The following IL15RA variants were observed in gnomAD, a reference collection of about 807,000 sequenced individuals.
The protein encoded by IL15RA is interleukin-15 receptor subunit alpha.
A neutral mutation model predicts 24.2 loss-of-function variants in IL15RA; 26 were observed. The observed-to-expected ratio is 1.07, with a 90% CI of 0.79 to 1.49. The LOEUF (loss-of-function observed/expected upper bound fraction) is 1.49, where lower values mean the gene tolerates loss of function less well. Among genes scored for constraint, IL15RA ranks in the 40% most tolerant of loss-of-function variants. The pLI is 0.00. For synonymous variants in IL15RA, 166 were observed against 157.6 expected, an observed-to-expected ratio of 1.05 and a Z score of -0.40; for missense variants, 354 against 356.4, an observed-to-expected ratio of 0.99 and a Z score of 0.05.
rs1042726457 is a variant in IL15RA, at chr10:5,966,922, C to T, written c.89-583G>A. On this transcript the variant is annotated intron_variant, in intron 1 of 6. Transcript: ENST00000379977. The surrounding 1 kb of genome is among the most constrained non-coding windows in gnomAD (Gnocchi z 6.4). ...GGGAGGCAGAGGTTGCAGTGAGCCA[C>T]GATCACACCACTGCACTCTAGCCTG... Among the ~76,000 whole-genome samples, 6 of 152,058 alleles carry T rather than the reference C, an allele frequency of 3.9e-5. No homozygotes were observed. Among genetic ancestry groups the T allele is most frequent in the South Asian group, 2.1e-4 (1 of 4,804 alleles).
At position 5,971,667 on chromosome 10, in the gene IL15RA, T is replaced by A. The variant is rs41294193; in HGVS notation, c.89-5328A>T. Among the ~76,000 whole-genome samples the A allele has an allele frequency of 0.011, 1,689 of 152,340 alleles. 30 individuals are homozygous for A. The highest frequency in any genetic ancestry group is 0.035 in the Admixed American group (539 of 15,304). ...CTCAGGATGCTCACTGTGGAGCTGG[T>A]GTACGGAAAAGGCAAAGGCCTCTGG... is the stretch of plus-strand genomic sequence containing the variant. On this transcript the variant is annotated intron_variant, in intron 1 of 6. Coordinates refer to ENST00000379977, the MANE Select transcript of IL15RA (RefSeq NM_002189.4). This position sits in a 1 kb window ranked among gnomAD's most constrained non-coding sequence, Gnocchi z 5.5.
Position 5,977,543 on chromosome 10 carries a change from G to C in IL15RA, c.-51C>G. The C allele has an allele frequency of 1.6e-6, 2 of 1,279,012 alleles. No homozygotes were observed. Among genetic ancestry groups the C allele is most frequent in the South Asian group, 5.1e-5 (2 of 39,540 alleles). 79.2% of individuals were successfully genotyped at this position (1,279,012 alleles called of 1,614,324 possible). ...GGACTCCCCGGGCGAGCGCTGCCCA[G>C]GCCGGGGGGAGGTGGCGAGCGCTGC... is the stretch of plus-strand genomic sequence containing the variant. On this transcript the variant is annotated 5_prime_UTR_variant, in exon 1 of 7. Coordinates refer to ENST00000379977, the MANE Select transcript of IL15RA (RefSeq NM_002189.4).
chr10:5,960,650 G>T lies in IL15RA; in HGVS notation c.383-83C>A. 1 of 1,175,016 alleles carries T rather than the reference G, an allele frequency of 8.5e-7. No homozygotes were observed. Among genetic ancestry groups the T allele is most frequent in the Non-Finnish European group, 1.2e-6 (1 of 803,102 alleles). 72.8% of individuals were successfully genotyped at this position (1,175,016 alleles called of 1,614,324 possible). On this transcript the variant is annotated intron_variant, in intron 3 of 6. Coordinates refer to ENST00000379977, the MANE Select transcript of IL15RA (RefSeq NM_002189.4). The surrounding 1 kb of genome is among the most constrained non-coding windows in gnomAD (Gnocchi z 5.1). ...TGCAGCACGGGGTGATGTGGGAGCTGCCATAGTGAGTCACCCTGACCAGCC... is the reference window on the plus strand; with the variant it reads ...TGCAGCACGGGGTGATGTGGGAGCTTCCATAGTGAGTCACCCTGACCAGCC...
intron 1 of IL15RA, among the ~76,000 whole-genome samples, chr10:5,969,870 C>T (rs909952626): frequency 5.9e-5 from 9 of 152,200 alleles, no homozygotes; most frequent in African/African-American, 1.2e-4. Context: ...TAATTTTCAG[C>T]GTGCCAGCCT....
chr10:5,956,405 A>T lies in IL15RA; in HGVS notation c.666T>A (p.Ser222=). The stretch of plus-strand genomic sequence containing the variant: ...TTGACTTGAGGTAGCATGCCAGGAG[A>T]GACACAGCGCTCAGCCCACACAGCA... ...TVLLCGLSAV[S]LLACYLKSRQ... The change falls in exon 6 of 7, where the codon TCT becomes TCA. Residue 222 remains serine (S), a synonymous_variant. Coordinates refer to ENST00000379977, the MANE Select transcript of IL15RA (RefSeq NM_002189.4). The T allele has an allele frequency of 6.2e-7, 1 of 1,614,020 alleles. No individual in the cohort carries two copies. The highest frequency in any genetic ancestry group is 8.5e-7 in the Non-Finnish European group (1 of 1,179,920).
downstream of IL15RA, among the ~76,000 whole-genome samples, chr10:5,949,912 A>G (rs1169425911): frequency 6.6e-6 from 1 of 152,074 alleles, no homozygotes; most frequent in Non-Finnish European, 1.5e-5. The surrounding 1 kb of genome is among the most constrained non-coding windows in gnomAD (Gnocchi z 4.4). Flanking sequence ...CCTGGCCAAC[A>G]TGGTGAAACA....
chr10:5,958,037 C>T lies in IL15RA; in HGVS notation c.617-1583G>A, dbSNP rs955983397. ...ATTTTATCCTACAGATGTTCTTGCA[C>T]CTATGGATTTTCAATTAATGGCTGT... On this transcript the variant is annotated intron_variant, in intron 5 of 6. Coordinates refer to ENST00000379977, the MANE Select transcript of IL15RA (RefSeq NM_002189.4). This position sits in a 1 kb window ranked among gnomAD's most constrained non-coding sequence, Gnocchi z 4.3. 5.9e-5 allele frequency among the ~76,000 whole-genome samples: 9 copies of T among 152,282 alleles called. No homozygotes were observed. The highest frequency in any genetic ancestry group is 2.2e-4 in the African/African-American group (9 of 41,548).
rs967969696 is a variant in IL15RA at position 5,973,932 on chromosome 10, C to T, written c.88+3473G>A. On this transcript the variant is annotated intron_variant, in intron 1 of 6. Coordinates refer to ENST00000379977, the MANE Select transcript of IL15RA (RefSeq NM_002189.4). The surrounding 1 kb of genome is among the most constrained non-coding windows in gnomAD (Gnocchi z 4.5). Reference sequence around the variant, plus strand: ...CAAATCATATACCTGATTAGGGCCTCGTATCCAGAATATATAAAGAACTCT... The same window carrying T: ...CAAATCATATACCTGATTAGGGCCTTGTATCCAGAATATATAAAGAACTCT... 2.0e-5 allele frequency among the ~76,000 whole-genome samples: 3 copies of T among 151,898 alleles called. No homozygotes were observed. The highest frequency in any genetic ancestry group is 4.8e-5 in the African/African-American group (2 of 41,352).
rs1835750776 is a variant in IL15RA, at chr10:5,962,469, G to C, written c.382+1274C>G. On this transcript the variant is annotated intron_variant, in intron 3 of 6. Coordinates refer to ENST00000379977, the MANE Select transcript of IL15RA (RefSeq NM_002189.4). This position sits in a 1 kb window ranked among gnomAD's most constrained non-coding sequence, Gnocchi z 5.2. The stretch of plus-strand genomic sequence containing the variant: ...TAGCCAGGCGTGGTGGTGCACGCCT[G>C]TGATCCCAGCTACTTGGGAGGCTGA... 6.6e-6 allele frequency among the ~76,000 whole-genome samples: 1 copy of C among 152,052 alleles called. No homozygotes were observed. Among genetic ancestry groups the C allele is most frequent in the Non-Finnish European group, 1.5e-5 (1 of 68,006 alleles).
At position 5,960,371 on chromosome 10, in the gene IL15RA, C is replaced by A. The variant is rs150566735; in HGVS notation, c.579G>T (p.Pro193=). ...WELTASASHQ[P]PGVYPQGHSD... ...TGGGGCAAAGCGAGTGCTAACCTGGCGGCTGGTGGGAGGCGGATGCTGTGA... is the reference window on the plus strand; with the variant it reads ...TGGGGCAAAGCGAGTGCTAACCTGGAGGCTGGTGGGAGGCGGATGCTGTGA... The change falls in exon 4 of 7, where the codon CCG becomes CCT. Residue 193 remains proline, a synonymous_variant. Coordinates refer to ENST00000379977, the MANE Select transcript of IL15RA (RefSeq NM_002189.4). The surrounding 1 kb of genome is among the most constrained non-coding windows in gnomAD (Gnocchi z 5.1). 1.9e-6 allele frequency: 3 copies of A among 1,613,910 alleles called. No individual in the cohort carries two copies. Among genetic ancestry groups the A allele is most frequent in the African/African-American group, 1.3e-5 (1 of 75,006 alleles).
At position 5,953,121 on chromosome 10, in the gene IL15RA, A is replaced by C. The variant is rs1172896461; in HGVS notation, c.778T>G (p.Leu260Val). The change falls in exon 7 of 7, where the codon TTG becomes GTG. Residue 260 changes from leucine (L) to valine (V), a missense_variant. By Grantham distance (32) the Leu-to-Val change is conservative. Transcript: ENST00000379977. This position sits in a 1 kb window ranked among gnomAD's most constrained non-coding sequence, Gnocchi z 5.3. ...TWGTSSRDEDLENCSHHL is the reference protein window; with the variant it reads ...TWGTSSRDEDVENCSHHL ...CATAGGTGGTGAGAGCAGTTTTCCAAGTCTTCATCTCTGCTGCTGGTCCCC... is the reference window on the plus strand; with the variant it reads ...CATAGGTGGTGAGAGCAGTTTTCCACGTCTTCATCTCTGCTGCTGGTCCCC... 1 of 1,614,046 alleles carries C rather than the reference A, an allele frequency of 6.2e-7. No individual in the cohort carries two copies. Among genetic ancestry groups the C allele is most frequent in the Non-Finnish European group, 8.5e-7 (1 of 1,179,878 alleles).
At position 5,959,850 on chromosome 10, in the gene IL15RA, G is replaced by C; in HGVS notation, c.584-64C>G. On this transcript the variant is annotated intron_variant, in intron 4 of 6. Coordinates refer to ENST00000379977, the MANE Select transcript of IL15RA (RefSeq NM_002189.4). The surrounding 1 kb of genome is among the most constrained non-coding windows in gnomAD (Gnocchi z 4.1). The stretch of plus-strand genomic sequence containing the variant: ...AGAGGTCCTAGTTCCTCATGAAGCA[G>C]GAGAAAATCTGCATGGCTTGGCTCC... 1 of 1,525,360 alleles carries C rather than the reference G, an allele frequency of 6.6e-7. No homozygotes were observed. Among genetic ancestry groups the C allele is most frequent in the Non-Finnish European group, 9.1e-7 (1 of 1,102,110 alleles). 94.5% of individuals were successfully genotyped at this position (1,525,360 alleles called of 1,614,324 possible). A position where few individuals can be genotyped will look rare whatever the true frequency, so the allele number is the denominator to read the frequency against.
rs764051023 is a variant in IL15RA, at chr10:5,967,114, TC to T, written c.89-776del. Among the ~76,000 whole-genome samples the T allele has an allele frequency of 1.3e-5, 2 of 152,160 alleles. No individual in the cohort carries two copies. Among genetic ancestry groups the T allele is most frequent in the Non-Finnish European group, 2.9e-5 (2 of 68,034 alleles). ...TCCCACCTCCATCTCAAAAATCCAC[TC>T]CCTTGTGTGTGCACATGTGTGTGTT... On this transcript the variant is annotated intron_variant, in intron 1 of 6. Coordinates refer to ENST00000379977, the MANE Select transcript of IL15RA (RefSeq NM_002189.4). This position sits in a 1 kb window ranked among gnomAD's most constrained non-coding sequence, Gnocchi z 4.4.
At chr10:5,969,263 A>T (rs1257582786) in intron 1 of IL15RA, among the ~76,000 whole-genome samples, 2 of 147,740 alleles carry the variant, frequency 1.4e-5, no homozygotes, top group Non-Finnish European at 3.0e-5. Context: ...TTAAATTTTT[A>T]AATTTAATTA....
rs940668426 is a variant in IL15RA at position 5,961,923 on chromosome 10, G to A, written c.383-1356C>T. 2.6e-5 allele frequency among the ~76,000 whole-genome samples: 4 copies of A among 152,136 alleles called. No individual in the cohort carries two copies. Among genetic ancestry groups the A allele is most frequent in the Non-Finnish European group, 5.9e-5 (4 of 68,028 alleles). ...CCACCTTTCATATAACTTGCCCTAC[G>A]CTCACTGCCAATGCTCCAGGGCTCC... On this transcript the variant is annotated intron_variant, in intron 3 of 6. Coordinates refer to ENST00000379977, the MANE Select transcript of IL15RA (RefSeq NM_002189.4). This position sits in a 1 kb window ranked among gnomAD's most constrained non-coding sequence, Gnocchi z 5.2.
At position 5,963,806 on chromosome 10, in the gene IL15RA, G is replaced by T. The variant is rs557175465; in HGVS notation, c.319C>A (p.Pro107Thr). The change falls in exon 3 of 7, where the codon CCC becomes ACC. Residue 107 changes from proline to threonine, a missense_variant. Transcript: ENST00000379977. The surrounding 1 kb of genome is among the most constrained non-coding windows in gnomAD (Gnocchi z 5.3). ...PALVHQRPAPPSTVTTAGVTP... is the reference protein window; with the variant it reads ...PALVHQRPAPTSTVTTAGVTP... ...ACCCCTGCCGTCGTTACTGTGGAGG[G>T]TGGCGCTGGCCTTTGGTGAACCAGG... 1.3e-6 allele frequency: 2 copies of T among 1,543,838 alleles called. No homozygotes were observed. Among genetic ancestry groups the T allele is most frequent in the Non-Finnish European group, 1.7e-6 (2 of 1,155,516 alleles).
In IL15RA at chr10:5,968,231, G is replaced by C. The variant is rs377664389; in HGVS notation, c.89-1892C>G. ...AGGACACAGTGGGTGAGTCACAAGA[G>C]AGCCATCACCTAAGTCCACACAAAA... is the stretch of plus-strand genomic sequence containing the variant. On this transcript the variant is annotated intron_variant, in intron 1 of 6. Coordinates refer to ENST00000379977, the MANE Select transcript of IL15RA (RefSeq NM_002189.4). This position sits in a 1 kb window ranked among gnomAD's most constrained non-coding sequence, Gnocchi z 5.4. 1.3e-4 allele frequency among the ~76,000 whole-genome samples: 20 copies of C among 152,044 alleles called. No homozygotes were observed. The highest frequency in any genetic ancestry group is 3.9e-4 in the African/African-American group (16 of 41,396).
rs2132389886 is a variant in IL15RA, at chr10:5,960,600, G to A, written c.383-33C>T. On this transcript the variant is annotated intron_variant, in intron 3 of 6. Coordinates refer to ENST00000379977, the MANE Select transcript of IL15RA (RefSeq NM_002189.4). The surrounding 1 kb of genome is among the most constrained non-coding windows in gnomAD (Gnocchi z 5.1). ...AGAGTCCAAGGCAGGGACAACATCAGTGTGCAGACTCCCCTCCTCTCAGCT... is the reference window on the plus strand; with the variant it reads ...AGAGTCCAAGGCAGGGACAACATCAATGTGCAGACTCCCCTCCTCTCAGCT... The A allele has an allele frequency of 6.3e-7, 1 of 1,576,604 alleles. No individual in the cohort carries two copies. The highest frequency in any genetic ancestry group is 8.7e-7 in the Non-Finnish European group (1 of 1,148,168).
Position 5,962,000 on chromosome 10 carries a change from G to C in IL15RA, c.383-1433C>G, listed in dbSNP as rs191655434. On this transcript the variant is annotated intron_variant, in intron 3 of 6. Transcript: ENST00000379977. This position sits in a 1 kb window ranked among gnomAD's most constrained non-coding sequence, Gnocchi z 5.2. The stretch of plus-strand genomic sequence containing the variant: ...CAGCCAAGTGCCCACGGTCGTGCCA[G>C]CTCGGGTCAAAGGCTGCTGTCACAT... 3.9e-4 allele frequency among the ~76,000 whole-genome samples: 60 copies of C among 152,326 alleles called. No homozygotes were observed. Among genetic ancestry groups the C allele is most frequent in the Middle Eastern group, 3.4e-3 (1 of 294 alleles).
Sources: allele counts gnomAD v4.1 joint callset (sites outside exome capture counted in the v4.1 genomes callset), GRCh38; gene constraint gnomAD v4.1.1; non-coding constraint Gnocchi (gnomAD v3.1); transcripts MANE v1.5; gene names NCBI Gene and HGNC (gene_info 2026-07-23, HGNC 2026-07-21).